The following ZC3H14 variants were observed in gnomAD, a reference collection of about 807,000 sequenced individuals.
ZC3H14 encodes the protein zinc finger CCCH domain-containing protein 14.
A neutral mutation model predicts 92.4 loss-of-function variants in ZC3H14; 31 were observed. The ratio of observed to expected loss-of-function variants is 0.34; its 90% CI spans 0.25 to 0.45. The LOEUF (loss-of-function observed/expected upper bound fraction) is 0.45, where lower values mean the gene tolerates loss of function less well. Among genes scored for constraint, ZC3H14 ranks in the 20% least tolerant of loss-of-function variants. ZC3H14 has a pLI of 1.00. For missense variants in ZC3H14, 781 were observed against 897.3 expected, an observed-to-expected ratio of 0.87 and a Z score of 1.66; for synonymous variants, 321 against 300.9, an observed-to-expected ratio of 1.07 and a Z score of -0.69.
Position 88,563,697 on chromosome 14 carries a change from AGT to A in ZC3H14, c.79+7_79+8del. The A allele has an allele frequency of 6.2e-7, 1 of 1,613,922 alleles. No individual in the cohort carries two copies. Among genetic ancestry groups the A allele is most frequent in the Non-Finnish European group, 8.5e-7 (1 of 1,179,778 alleles). Reference sequence around the variant, plus strand: ...CAAGAATTAGGAGCTTATGTTGGTAAGTGTTTTTTTGGTTGTTAGTCTTACAG... The same window carrying A: ...CAAGAATTAGGAGCTTATGTTGGTAAGTTTTTTTGGTTGTTAGTCTTACAG... On this transcript the variant is annotated splice_donor_5th_base_variant and intron_variant, in intron 2 of 16. Transcript: ENST00000251038.
chr14:88,620,796 C>T lies in ZC3H14; in HGVS notation c.*9045C>T. The T allele has an allele frequency of 6.2e-7, 1 of 1,606,624 alleles. No individual in the cohort carries two copies. Among genetic ancestry groups the T allele is most frequent in the Non-Finnish European group, 8.5e-7 (1 of 1,177,626 alleles). On this transcript the variant is annotated 3_prime_UTR_variant, in exon 17 of 17. Coordinates refer to ENST00000251038, the MANE Select transcript of ZC3H14 (RefSeq NM_024824.5). This position sits in a 1 kb window ranked among gnomAD's most constrained non-coding sequence, Gnocchi z 4.3. ...ACATCTCCTGTCTCTCTTCTTTCCC[C>T]ATATTTTTAGAGAACTCACTAGTAA...
rs2087534239 is a variant in ZC3H14, at chr14:88,615,908, AAC to A, written c.*4159_*4160del. 54 of 1,565,652 alleles carry A rather than the reference AAC, an allele frequency of 3.4e-5. 1 individual carries two copies. The South Asian group carries it at 5.3e-4, about 15-fold the overall frequency. On this transcript the variant is annotated 3_prime_UTR_variant, in exon 17 of 17. Transcript: ENST00000251038. ...GTTAATTATGTTTTTAGATTTTCATAACAGTTTAATATTTTTCAGTTGTGCTT... is the reference window on the plus strand; with the variant it reads ...GTTAATTATGTTTTTAGATTTTCATAAGTTTAATATTTTTCAGTTGTGCTT...
intron 8 of ZC3H14, 81 bp from the exon 9 acceptor site, chr14:88,577,904 T>C: frequency 6.4e-7 from 1 of 1,568,002 alleles, no homozygotes; most frequent in Non-Finnish European, 8.8e-7. Context: ...GAGGCATTTA[T>C]ATTTAATATG....
rs1210770625 is a variant in ZC3H14, at chr14:88,572,744, A to G, written c.598A>G (p.Thr200Ala). Reference sequence around the variant, plus strand: ...GAATCCCTTATCTCAGAAAAAACCTACAGTGACACTTACATATGGTTCTTC... The same window carrying G: ...GAATCCCTTATCTCAGAAAAAACCTGCAGTGACACTTACATATGGTTCTTC... ...QENPLSQKKP[T>A]VTLTYGSSRP... is the part of the protein sequence containing the mutation. The change falls in exon 6 of 17, where the codon ACA becomes GCA. Residue 200 changes from threonine to alanine, a missense_variant. This residue lies in a region of ZC3H14 where 454 missense variants were observed against 438.5 expected (regional missense o/e 1.04). Coordinates refer to ENST00000251038, the MANE Select transcript of ZC3H14 (RefSeq NM_024824.5). 4 of 1,614,228 alleles carry G rather than the reference A, an allele frequency of 2.5e-6. No homozygotes were observed. The highest frequency in any genetic ancestry group is 1.6e-4 in the Middle Eastern group (1 of 6,062).
intron 9 of ZC3H14, among the ~76,000 whole-genome samples, chr14:88,583,127 C>T (rs1432831213): frequency 1.9e-4 from 23 of 123,376 alleles, no homozygotes; most frequent in African/African-American, 6.3e-4. Context: ...TTGACTTGTG[C>T]TTTTTTTTTA....
At chr14:88,596,279 T>G (rs1200127630) in intron 9 of ZC3H14, among the ~76,000 whole-genome samples, 1 of 152,204 alleles carries the variant, frequency 6.6e-6, no homozygotes, top group African/African-American at 2.4e-5. Flanking sequence ...GTTTAGATGA[T>G]GAGAGTGTTT....
rs1248828341 is a variant in ZC3H14 at position 88,615,562 on chromosome 14, G to T, written c.*3811G>T. ...AATCACACACTTCCCAATACAGGGG[G>T]ACTTGGCCTTTACCATCAAGTATTC... On this transcript the variant is annotated 3_prime_UTR_variant, in exon 17 of 17. Transcript: ENST00000251038. The T allele has an allele frequency of 4.7e-6, 2 of 421,422 alleles. No individual in the cohort carries two copies. Among genetic ancestry groups the T allele is most frequent in the African/African-American group, 2.0e-5 (1 of 48,822 alleles). 26.1% of individuals were successfully genotyped at this position (421,422 alleles called of 1,614,324 possible). A position where few individuals can be genotyped will look rare whatever the true frequency, so the allele number is the denominator to read the frequency against.
chr14:88,571,865 G>A (rs975761346), intron 4 of ZC3H14, among the ~76,000 whole-genome samples, 165 bp from the exon 5 acceptor site: 2 of 152,146 alleles, frequency 1.3e-5, no homozygotes, highest in African/African-American at 2.4e-5. Context: ...TTGGGAGGCC[G>A]GGGCAGGAGA....
At chr14:88,609,897 A>T (rs2086265985) in intron 15 of ZC3H14, 94 bp downstream of exon 15, 1 of 1,353,564 alleles carries the variant, frequency 7.4e-7, no homozygotes, top group South Asian at 1.2e-5. Flanking sequence ...ATTGGTGCAA[A>T]AGTAATTGCG....
intron 9 of ZC3H14, chr14:88,594,417 G>A: frequency 3.4e-6 from 4 of 1,160,072 alleles, no homozygotes; most frequent in Non-Finnish European, 4.3e-6. Flanking sequence ...TGGAAGAGGA[G>A]CTATACAGAT....
chr14:88,595,311 G>A (rs1478676868), intron 9 of ZC3H14, among the ~76,000 whole-genome samples: 2 of 152,144 alleles, frequency 1.3e-5, no homozygotes, highest in Non-Finnish European at 2.9e-5. Flanking sequence ...CTCTTTAATG[G>A]AGCTCTCTAA....
chr14:88,573,098 A>G (rs2080659317), intron 6 of ZC3H14, 91 bp downstream of exon 6: 8 of 1,460,066 alleles, frequency 5.5e-6, no homozygotes, highest in African/African-American at 1.4e-5. Flanking sequence ...ACATATTCCA[A>G]GGCTGGGCAC....
chr14:88,594,900 A>G, intron 9 of ZC3H14: 1 of 1,614,052 alleles, frequency 6.2e-7, no homozygotes, highest in Non-Finnish European at 8.5e-7. Context: ...GAATGAAAGC[A>G]GCTATTTTGA....
chr14:88,578,092 C>T lies in ZC3H14; in HGVS notation c.1231C>T (p.Pro411Ser), dbSNP rs1282646326. Reference sequence around the variant, plus strand: ...AAGTAGGACCCCCAGAATAAGTCCCCCCATTAAAGAAGAGGAAACAAAAGG... The same window carrying T: ...AAGTAGGACCCCCAGAATAAGTCCCTCCATTAAAGAAGAGGAAACAAAAGG... The part of the protein sequence containing the change: ...GQSRTPRISP[P>S]IKEEETKGDS... Residue 411 changes from proline (P) to serine (S), a missense_variant, in exon 9 of 17, where the codon CCC (proline) becomes TCC (serine). Pro to Ser is a moderately conservative substitution (Grantham distance 74). Transcript: ENST00000251038. 1 of 1,613,870 alleles carries T rather than the reference C, an allele frequency of 6.2e-7. No individual in the cohort carries two copies. Among genetic ancestry groups the T allele is most frequent in the Non-Finnish European group, 8.5e-7 (1 of 1,179,982 alleles).
Position 88,624,271 on chromosome 14 carries a change from C to T in ZC3H14, c.*12520C>T, listed in dbSNP as rs1379111925. ...GTTGTTTTTTATAGCGATGGGGTTT[C>T]ACCATGTTGCCCAGGCTGGTCTTGA... is the stretch of plus-strand genomic sequence containing the variant. On this transcript the variant is annotated 3_prime_UTR_variant, in exon 17 of 17. Coordinates refer to ENST00000251038, the MANE Select transcript of ZC3H14 (RefSeq NM_024824.5). 6.6e-6 allele frequency: 1 copy of T among 152,314 alleles called. No individual in the cohort carries two copies. 9.4% of individuals were successfully genotyped at this position (152,314 alleles called of 1,614,324 possible). A position where few individuals can be genotyped will look rare whatever the true frequency, so the allele number is the denominator to read the frequency against.
intron 9 of ZC3H14, among the ~76,000 whole-genome samples, chr14:88,587,434 G>A (rs958303783): frequency 6.6e-6 from 1 of 152,046 alleles, no homozygotes; most frequent in Non-Finnish European, 1.5e-5. Context: ...CCAAAGTGCT[G>A]GGATTACAGG....
In ZC3H14 at chr14:88,624,009, T is replaced by C. The variant is rs999794701; in HGVS notation, c.*12258T>C. 26 of 152,230 alleles carry C rather than the reference T, an allele frequency of 1.7e-4. No homozygotes were observed. Among genetic ancestry groups the C allele is most frequent in the African/African-American group, 6.3e-4 (26 of 41,456 alleles). The allele number at this position is 152,230 out of a possible 1,614,324, so 9.4% of individuals were successfully genotyped here. A position where few individuals can be genotyped will look rare whatever the true frequency, so the allele number is the denominator to read the frequency against. ...ATTCTGCGCTTGTGTTTAATTAACA[T>C]ATGTGGGTTCTTTCAATCCTGTATT... is the stretch of plus-strand genomic sequence containing the variant. On this transcript the variant is annotated 3_prime_UTR_variant, in exon 17 of 17. Transcript: ENST00000251038.
At chr14:88,596,332 G>T (rs75554649) in intron 9 of ZC3H14, among the ~76,000 whole-genome samples, 2,373 of 152,230 alleles carry the variant, frequency 0.016, 33 homozygotes, top group Non-Finnish European at 0.023. Context: ...TGAGTGAGTC[G>T]TGATGGTAAG....
In ZC3H14 at chr14:88,624,917, C is replaced by T. The variant is rs533872248; in HGVS notation, c.*13166C>T. On this transcript the variant is annotated 3_prime_UTR_variant, in exon 17 of 17. Transcript: ENST00000251038. ...AACAACTAGAATAATTAACTGCAAA[C>T]CTCAGGTAGGTCACAAATGCATAAA... 1.9e-5 allele frequency: 30 copies of T among 1,593,952 alleles called. 1 individual carries two copies. The South Asian group carries it at 3.4e-4, about 18-fold the overall frequency.
Sources: gnomAD v4.1 joint callset for allele counts (sites outside exome capture counted in the v4.1 genomes callset) on GRCh38, gnomAD v4.1.1 for gene constraint, gnomAD v4.1.1 regional missense constraint, Gnocchi (gnomAD v3.1) non-coding constraint, MANE v1.5 for transcripts, NCBI Gene and HGNC (gene_info 2026-07-23, HGNC 2026-07-21) for gene names.